KAZN: variants seen among roughly 807,000 people sequenced by gnomAD.
The protein encoded by KAZN is kazrin.
A neutral mutation model predicts 87.4 loss-of-function variants in KAZN; 40 were observed. The ratio of observed to expected loss-of-function variants is 0.46; its 90% CI spans 0.36 to 0.60. The LOEUF (loss-of-function observed/expected upper bound fraction) is 0.60. KAZN is among the 20% of genes least tolerant of loss of function. The pLI is 0.00. For synonymous variants in KAZN, 466 were observed against 458.3 expected, an observed-to-expected ratio of 1.02 and a Z score of -0.22; for missense variants, 898 against 1,073.9, an observed-to-expected ratio of 0.84 and a Z score of 2.29.
At chr1:14,863,632 G>T (rs1035435451) in intron 1 of KAZN, among the ~76,000 whole-genome samples, 3 of 152,204 alleles carry the variant, frequency 2.0e-5, no homozygotes, top group Non-Finnish European at 2.9e-5. Context: ...GAGAGAGAAA[G>T]ATGTGTAAAG....
intron 1 of KAZN, among the ~76,000 whole-genome samples, chr1:14,020,971 TTGTGAGGGAGGGA>T (rs1333064524): frequency 6.6e-6 from 1 of 152,280 alleles, no homozygotes; most frequent in African/African-American, 2.4e-5. Context: ...GTGGCTGCAT[TTGTGAGGGAGGGA>T]TGTTAACTTT....
intron 5 of KAZN, 88 bp from the exon 6 acceptor site, chr1:15,060,084 C>T (rs963015184): frequency 8.5e-5 from 130 of 1,529,174 alleles, no homozygotes; most frequent in Admixed American, 1.5e-4. Flanking sequence ...ATCTGTAGAA[C>T]GGGGGTGTTG....
intron 13 of KAZN, among the ~76,000 whole-genome samples, chr1:15,109,253 C>T (rs1401645496): frequency 6.6e-6 from 1 of 152,040 alleles, no homozygotes; most frequent in Non-Finnish European, 1.5e-5. Context: ...GGTGTGGTGG[C>T]GTGCACCTGT....
chr1:13,943,671 A>G (rs1641025509), intron 1 of KAZN, among the ~76,000 whole-genome samples: 1 of 152,036 alleles, frequency 6.6e-6, no homozygotes, highest in South Asian at 2.1e-4. Context: ...ACCAATACAA[A>G]GAGTAGTTAT....
intron 1 of KAZN, among the ~76,000 whole-genome samples, chr1:13,965,475 C>A (rs1433788581): frequency 6.6e-6 from 1 of 152,128 alleles, no homozygotes; most frequent in African/African-American, 2.4e-5. Flanking sequence ...AAGGTGGGTG[C>A]TTTTAATAAT....
At chr1:14,479,809 G>T (rs1217618320) in intron 2 of KAZN, among the ~76,000 whole-genome samples, 3 of 152,122 alleles carry the variant, frequency 2.0e-5, no homozygotes, top group Admixed American at 1.3e-4. Context: ...ATGGATGGCT[G>T]GTTGCATCCA....
intron 1 of KAZN, among the ~76,000 whole-genome samples, chr1:13,952,334 G>GATGATAATAATAATA (rs1419105829): frequency 1.4e-5 from 2 of 143,078 alleles, no homozygotes; most frequent in Non-Finnish European, 3.0e-5. Context: ...ATAAAATGGA[G>GATGATAATAATAATA]ATAATAATAA....
intron 2 of KAZN, among the ~76,000 whole-genome samples, chr1:14,962,191 C>G (rs928369357): frequency 6.6e-6 from 1 of 152,232 alleles, no homozygotes; most frequent in East Asian, 1.9e-4. Context: ...GCCCAGCTGA[C>G]TATCCCCCAG....
chr1:15,016,306 A>G (rs1325779141), intron 2 of KAZN, among the ~76,000 whole-genome samples: 1 of 152,106 alleles, frequency 6.6e-6, no homozygotes. Context: ...GTTTTTTGAG[A>G]CAGAGTCTCA....
intron 1 of KAZN, among the ~76,000 whole-genome samples, chr1:14,901,472 C>T (rs1367170885): frequency 6.6e-6 from 1 of 151,952 alleles, no homozygotes; most frequent in Non-Finnish European, 1.5e-5. Context: ...GGACCCCAGG[C>T]AGGGGAGTCA....
intron 1 of KAZN, among the ~76,000 whole-genome samples, chr1:14,166,296 CAG>C (rs1031925287): frequency 1.3e-5 from 2 of 152,090 alleles, no homozygotes; most frequent in Non-Finnish European, 2.9e-5. Context: ...GCCTGAGCGA[CAG>C]AGCAAGACTG....
chr1:15,110,470 TGTTTGTG>T (rs1641535902), intron 13 of KAZN, among the ~76,000 whole-genome samples: 3 of 136,626 alleles, frequency 2.2e-5, no homozygotes, highest in Non-Finnish European at 4.9e-5. Flanking sequence ...TGTGTTTGTA[TGTTTGTG>T]TATTTGTGTG....
Position 13,917,509 on chromosome 1 carries a change from A to C in KAZN, c.91+23753A>C, listed in dbSNP as rs557345697. ...CTTAGGGCCCTTAAGAATTATACTAAATACGGCTGGGTGTGGTGTCTCACA... is the reference window on the plus strand; with the variant it reads ...CTTAGGGCCCTTAAGAATTATACTACATACGGCTGGGTGTGGTGTCTCACA... On this transcript the variant is annotated intron_variant, in intron 1 of 16. Transcript: ENST00000636203. 1.6e-4 allele frequency among the ~76,000 whole-genome samples: 25 copies of C among 152,252 alleles called. 1 individual carries two copies. Among genetic ancestry groups the C allele is most frequent in the Middle Eastern group, 3.4e-3 (1 of 294 alleles).
chr1:13,933,424 G>A (rs1292459300), intron 1 of KAZN, among the ~76,000 whole-genome samples: 7 of 152,080 alleles, frequency 4.6e-5, no homozygotes, highest in Non-Finnish European at 7.4e-5. Context: ...CCCGGGAGAC[G>A]GAGGTTGTGG....
intron 2 of KAZN, among the ~76,000 whole-genome samples, chr1:14,549,120 T>C (rs1158979530): frequency 6.6e-6 from 1 of 152,220 alleles, no homozygotes; most frequent in Non-Finnish European, 1.5e-5. Context: ...ATTTCACTTA[T>C]TAATTCTAAT....
Position 14,071,391 on chromosome 1 carries a change from A to G in KAZN, c.92-109044A>G, listed in dbSNP as rs1557450930. Among the ~76,000 whole-genome samples the G allele has an allele frequency of 1.3e-5, 2 of 152,200 alleles. 1 individual carries two copies. The highest frequency in any genetic ancestry group is 3.8e-4 in the East Asian group (2 of 5,200). ...GGATTCTGGGGACAGGCATAGGAGC[A>G]TGCCCTCTTGAGCTTTGCCTGATCT... On this transcript the variant is annotated intron_variant, in intron 1 of 16. Coordinates refer to the KAZN transcript ENST00000636203.
At chr1:14,780,742 G>A (rs1195680125) in intron 1 of KAZN, among the ~76,000 whole-genome samples, 3 of 152,216 alleles carry the variant, frequency 2.0e-5, no homozygotes, top group African/African-American at 4.8e-5. Flanking sequence ...ACACTAACAG[G>A]TGATGATCGT....
At chr1:14,123,284 C>T (rs183901041) in intron 1 of KAZN, among the ~76,000 whole-genome samples, 11 of 152,126 alleles carry the variant, frequency 7.2e-5, no homozygotes, top group Non-Finnish European at 1.0e-4. Flanking sequence ...TGCATTCATG[C>T]TGTGTTGAGG....
chr1:14,658,771 G>T (rs1557869861), intron 1 of KAZN, among the ~76,000 whole-genome samples: 1 of 152,044 alleles, frequency 6.6e-6, no homozygotes, highest in African/African-American at 2.4e-5. Flanking sequence ...CCCCACCCTA[G>T]ACTCCCCTAC....
Sources: gnomAD v4.1 joint callset for allele counts (sites outside exome capture counted in the v4.1 genomes callset) on GRCh38, gnomAD v4.1.1 for gene constraint, MANE v1.5 for transcripts, NCBI Gene and HGNC (gene_info 2026-07-23, HGNC 2026-07-21) for gene names.